The following ADAMTS20 variants were observed in gnomAD, a reference collection of about 807,000 sequenced individuals.
The protein encoded by ADAMTS20 is A disintegrin and metalloproteinase with thrombospondin motifs 20.
In ADAMTS20, 225 loss-of-function variants were observed where a neutral mutation model predicts 260.1. The observed-to-expected ratio is 0.87, with a 90% CI of 0.78 to 0.97. The LOEUF is 0.97. Among genes scored for constraint, ADAMTS20 ranks in the 50% least tolerant of loss-of-function variants. The pLI, the probability that ADAMTS20 is intolerant of heterozygous loss-of-function variation, is 0.00. For missense variants in ADAMTS20, 2,400 were observed against 2,337.7 expected (o/e 1.03, Z -0.55); for synonymous variants, 802 against 769.5 (o/e 1.04, Z -0.70).
chr12:43,454,104 A>T (rs376052778), intron 11 of ADAMTS20, 52 bp from the exon 12 acceptor site: 335 of 1,570,704 alleles, frequency 2.1e-4, no homozygotes, highest in Non-Finnish European at 2.8e-4. Flanking sequence ...TAATTAGAAC[A>T]TCACAAAAAT....
chr12:43,496,842 C>A (rs1313996222), intron 4 of ADAMTS20, among the ~76,000 whole-genome samples: 1 of 151,780 alleles, frequency 6.6e-6, no homozygotes, highest in Non-Finnish European at 1.5e-5. Context: ...AACACACATA[C>A]ACACACACAC....
At chr12:43,372,091 T>C (rs78927463) in intron 36 of ADAMTS20, among the ~76,000 whole-genome samples, 261 of 152,252 alleles carry the variant, frequency 1.7e-3, no homozygotes, top group Non-Finnish European at 2.8e-3. Context: ...GAGTAGACAG[T>C]TGGATTTTGG....
chr12:43,385,712 T>TC (rs1940458234), intron 29 of ADAMTS20, among the ~76,000 whole-genome samples: 1 of 152,216 alleles, frequency 6.6e-6, no homozygotes, highest in Non-Finnish European at 1.5e-5. Flanking sequence ...TAGAATCCTT[T>TC]CCCCATTGCT....
intron 18 of ADAMTS20, 59 bp from the exon 19 acceptor site, chr12:43,434,430 A>G (rs899084839): frequency 1.3e-6 from 2 of 1,498,438 alleles, no homozygotes; most frequent in African/African-American, 1.4e-5. Context: ...TAGATGTTCC[A>G]TAATTATGTA....
chr12:43,492,236 C>T (rs1429309819), intron 6 of ADAMTS20, among the ~76,000 whole-genome samples: 1 of 151,760 alleles, frequency 6.6e-6, no homozygotes, highest in Non-Finnish European at 1.5e-5. Flanking sequence ...AAAAATTAGC[C>T]GGGCGTGGTG....
intron 28 of ADAMTS20, among the ~76,000 whole-genome samples, chr12:43,418,231 C>T (rs1164192586): frequency 6.6e-6 from 1 of 152,110 alleles, no homozygotes; most frequent in African/African-American, 2.4e-5. Context: ...GTTGAGAAAG[C>T]AACTACTTTT....
chr12:43,527,895 A>G (rs919413790), intron 3 of ADAMTS20, among the ~76,000 whole-genome samples: 2 of 152,130 alleles, frequency 1.3e-5, no homozygotes, highest in African/African-American at 4.8e-5. Context: ...AGGAAGTCCA[A>G]CTATCTCTGT....
At chr12:43,511,762 T>C (rs1942927179) in intron 3 of ADAMTS20, among the ~76,000 whole-genome samples, 1 of 152,158 alleles carries the variant, frequency 6.6e-6, no homozygotes, top group South Asian at 2.1e-4. Flanking sequence ...ATGCTCTATA[T>C]TTGACCAGAT....
At chr12:43,361,524 A>T (rs1939867683) in intron 37 of ADAMTS20, among the ~76,000 whole-genome samples, 1 of 152,248 alleles carries the variant, frequency 6.6e-6, no homozygotes, top group African/African-American at 2.4e-5. Context: ...CAGGAAGAGC[A>T]TTTTATTGCC....
chr12:43,484,483 A>G (rs1363658514), intron 7 of ADAMTS20, among the ~76,000 whole-genome samples: 4 of 152,188 alleles, frequency 2.6e-5, no homozygotes, highest in South Asian at 2.1e-4. Context: ...AAATAAAAAA[A>G]CAATCAGAAC....
chr12:43,525,457 A>G (rs544106707), intron 3 of ADAMTS20, among the ~76,000 whole-genome samples: 1 of 152,326 alleles, frequency 6.6e-6, no homozygotes, highest in East Asian at 1.9e-4. Flanking sequence ...CTATGAAACA[A>G]TTACACAACG....
intron 9 of ADAMTS20, among the ~76,000 whole-genome samples, chr12:43,465,531 G>A (rs1020536776): frequency 6.6e-6 from 1 of 152,044 alleles, no homozygotes; most frequent in Non-Finnish European, 1.5e-5. Context: ...ATTGGGCTAA[G>A]AGCAACAATT....
At chr12:43,475,018 G>A (rs1289103545) in intron 7 of ADAMTS20, among the ~76,000 whole-genome samples, 1 of 133,438 alleles carries the variant, frequency 7.5e-6, no homozygotes. Flanking sequence ...GGAAATAAAG[G>A]GTATTCAATT....
chr12:43,360,052 C>A (rs1939833074), intron 37 of ADAMTS20, among the ~76,000 whole-genome samples: 1 of 151,952 alleles, frequency 6.6e-6, no homozygotes, highest in Admixed American at 6.6e-5. Flanking sequence ...AAGGTTCGGA[C>A]TAAAATGCCG....
At chr12:43,386,766 C>T (rs1023164433) in intron 29 of ADAMTS20, among the ~76,000 whole-genome samples, 1 of 152,160 alleles carries the variant, frequency 6.6e-6, no homozygotes, top group Non-Finnish European at 1.5e-5. Context: ...CTTTCTTCTG[C>T]TTCATTGATT....
intron 14 of ADAMTS20, among the ~76,000 whole-genome samples, chr12:43,447,507 C>T (rs929249050): frequency 1.3e-5 from 2 of 152,020 alleles, no homozygotes; most frequent in African/African-American, 2.4e-5. Context: ...ATAATCAGAG[C>T]GATCTATGAC....
At chr12:43,418,175 G>T (rs1399422946) in intron 28 of ADAMTS20, among the ~76,000 whole-genome samples, 1 of 152,156 alleles carries the variant, frequency 6.6e-6, no homozygotes, top group Non-Finnish European at 1.5e-5. Context: ...AGAAAAATGT[G>T]ATACCTAATA....
At chr12:43,521,145 T>C (rs1943066506) in intron 3 of ADAMTS20, among the ~76,000 whole-genome samples, 1 of 152,208 alleles carries the variant, frequency 6.6e-6, no homozygotes, top group African/African-American at 2.4e-5. Context: ...GCTTGCCAAT[T>C]AGTTGAATAG....
At chr12:43,540,293 T>C (rs1310847421) in intron 2 of ADAMTS20, among the ~76,000 whole-genome samples, 3 of 152,200 alleles carry the variant, frequency 2.0e-5, no homozygotes, top group Admixed American at 6.5e-5. Context: ...AATACAGTTC[T>C]ATCCAGAAAC....
Sources: gnomAD v4.1 joint callset for allele counts (sites outside exome capture counted in the v4.1 genomes callset) on GRCh38, gnomAD v4.1.1 for gene constraint, MANE v1.5 for transcripts, NCBI Gene and HGNC (gene_info 2026-07-23, HGNC 2026-07-21) for gene names.